HDGFL3: variants seen among roughly 807,000 people sequenced by gnomAD.
HDGFL3 encodes the protein hepatoma-derived growth factor-related protein 3.
A neutral mutation model predicts 27.6 loss-of-function variants in HDGFL3; 6 were observed. The ratio of observed to expected loss-of-function variants is 0.22; its 90% confidence interval spans 0.12 to 0.43. The LOEUF (loss-of-function observed/expected upper bound fraction) is 0.43. Among genes scored for constraint, HDGFL3 ranks in the 20% least tolerant of loss-of-function variants. The pLI, the probability that HDGFL3 is intolerant of heterozygous loss-of-function variation, is 1.00. For synonymous variants in HDGFL3, 88 were observed against 88.9 expected (o/e 0.99, Z 0.05); for missense variants, 207 against 250.1 (o/e 0.83, Z 1.16).
At chr15:83,187,394 A>G (rs189488081) in intron 1 of HDGFL3, among the ~76,000 whole-genome samples, 1,985 of 149,636 alleles carry the variant, frequency 0.013, 32 homozygotes, top group Middle Eastern at 0.041. Context: ...TCAAACACAC[A>G]CCACCACAAA....
At chr15:83,124,648 C>T (rs749696630), downstream of HDGFL3, 5 of 1,595,942 alleles carry the variant, frequency 3.1e-6, no homozygotes, top group Non-Finnish European at 4.3e-6. Flanking sequence ...TGGGCCTGCT[C>T]TTTAGGTACA....
At chr15:83,175,222 T>C (rs983113405) in intron 1 of HDGFL3, among the ~76,000 whole-genome samples, 2 of 152,216 alleles carry the variant, frequency 1.3e-5, no homozygotes, top group African/African-American at 4.8e-5. Context: ...TATTTGAGTT[T>C]GTACCCCCTG....
At position 83,136,587 on chromosome 15, in the gene HDGFL3, G is replaced by A. The variant is rs757268482; in HGVS notation, c.*2683C>T. 1.2e-6 allele frequency: 2 copies of A among 1,613,766 alleles called. No homozygotes were observed. The highest frequency in any genetic ancestry group is 1.7e-6 in the Non-Finnish European group (2 of 1,179,858). ...TTTTTAGCATTAAACATAGCATATG[G>A]AGTTCTTCCTCAGCTCTTGGCCTAT... On this transcript the variant is annotated 3_prime_UTR_variant, in exon 6 of 6. Transcript: ENST00000299633.
In HDGFL3 at chr15:83,138,723, C is replaced by T. The variant is rs910681310; in HGVS notation, c.*547G>A. 1 of 152,212 alleles carries T rather than the reference C, an allele frequency of 6.6e-6. No individual in the cohort carries two copies. The allele number at this position is 152,212 out of a possible 1,614,324, so 9.4% of individuals were successfully genotyped here. ...AGCTGTCAACTAGCTATTTCTAATACGGAATAGATATTTTACAATATGGTT... is the reference window on the plus strand; with the variant it reads ...AGCTGTCAACTAGCTATTTCTAATATGGAATAGATATTTTACAATATGGTT... On this transcript the variant is annotated 3_prime_UTR_variant, in exon 6 of 6. Coordinates refer to ENST00000299633, the MANE Select transcript of HDGFL3 (RefSeq NM_016073.4).
intron 5 of HDGFL3, among the ~76,000 whole-genome samples, chr15:83,147,381 G>A (rs2036911572): frequency 6.6e-6 from 1 of 151,892 alleles, no homozygotes; most frequent in South Asian, 2.1e-4. Context: ...CTTTCTAAAG[G>A]ACACTGCTTC....
At chr15:83,197,708 T>C (rs1011769238) in intron 1 of HDGFL3, among the ~76,000 whole-genome samples, 2 of 152,128 alleles carry the variant, frequency 1.3e-5, no homozygotes, top group Non-Finnish European at 2.9e-5. Context: ...CACGGAACAC[T>C]AGTTTGTCAA....
intron 1 of HDGFL3, among the ~76,000 whole-genome samples, chr15:83,206,059 C>G (rs1176916789): frequency 6.6e-6 from 1 of 152,188 alleles, no homozygotes; most frequent in East Asian, 1.9e-4. Context: ...ATAACAGAGC[C>G]TGAACCAGAC....
At chr15:83,119,935 G>T in intron 3 of HDGFL3, 2 of 392,990 alleles carry the variant, frequency 5.1e-6, no homozygotes, top group South Asian at 5.8e-5. Flanking sequence ...TGTCTTACAA[G>T]AATAATTTTT....
chr15:83,147,311 C>T (rs1290462138), intron 5 of HDGFL3, among the ~76,000 whole-genome samples: 3 of 152,106 alleles, frequency 2.0e-5, no homozygotes, highest in Non-Finnish European at 2.9e-5. Flanking sequence ...CCATCTGCCT[C>T]GGCCTCCCAA....
intron 1 of HDGFL3, among the ~76,000 whole-genome samples, chr15:83,197,284 A>G (rs145366909): frequency 5.3e-4 from 81 of 152,338 alleles, no homozygotes; most frequent in African/African-American, 1.9e-3. Context: ...ATTTCCATTT[A>G]TAATAGTATA....
chr15:83,202,910 G>A lies in HDGFL3; in HGVS notation c.84+4421C>T, dbSNP rs369973235. ...AAATTTGTTTACTCATTCTCCTGCT[G>A]ATGGACATTTGGGTTGTTTCCTGTT... On this transcript the variant is annotated intron_variant, in intron 1 of 5. Coordinates refer to ENST00000299633, the MANE Select transcript of HDGFL3 (RefSeq NM_016073.4). Among the ~76,000 whole-genome samples, 14 of 152,188 alleles carry A rather than the reference G, an allele frequency of 9.2e-5. No homozygotes were observed. The East Asian group carries it at 2.7e-3, about 29-fold the overall frequency.
intron 1 of HDGFL3, among the ~76,000 whole-genome samples, chr15:83,193,379 G>C (rs2037534828): frequency 6.6e-6 from 1 of 151,994 alleles, no homozygotes; most frequent in Non-Finnish European, 1.5e-5. Context: ...AAAACCATAA[G>C]ATACCACCTC....
intron 2 of HDGFL3, among the ~76,000 whole-genome samples, chr15:83,158,505 T>C (rs941193223): frequency 6.6e-6 from 1 of 152,208 alleles, no homozygotes; most frequent in Non-Finnish European, 1.5e-5. Flanking sequence ...TGGTTTTGCC[T>C]TCTGTGGTTT....
chr15:83,125,001 C>T (rs1567147789), downstream of HDGFL3, among the ~76,000 whole-genome samples: 1 of 152,176 alleles, frequency 6.6e-6, no homozygotes, highest in Non-Finnish European at 1.5e-5. Flanking sequence ...TACTCAGAAG[C>T]ATCTTCCTCC....
intron 5 of HDGFL3, among the ~76,000 whole-genome samples, chr15:83,143,866 GTCCC>G (rs1235080756): frequency 6.6e-6 from 1 of 152,072 alleles, no homozygotes; most frequent in Non-Finnish European, 1.5e-5. Context: ...TTTATCCTCT[GTCCC>G]TCCCTCCAGT....
intron 1 of HDGFL3, among the ~76,000 whole-genome samples, chr15:83,191,431 AG>A (rs1201715626): frequency 1.3e-5 from 2 of 152,226 alleles, no homozygotes; most frequent in African/African-American, 4.8e-5. Flanking sequence ...AATAAGCCAC[AG>A]TCATGGATTA....
intron 1 of HDGFL3, chr15:83,184,863 A>T (rs945836321): frequency 7.2e-5 from 11 of 152,238 alleles, no homozygotes; most frequent in Non-Finnish European, 1.6e-4. Context: ...GAGGTGGGTA[A>T]CCATTACCAG....
chr15:83,163,052 G>C (rs895755230), intron 2 of HDGFL3, among the ~76,000 whole-genome samples: 1 of 152,136 alleles, frequency 6.6e-6, no homozygotes, highest in Non-Finnish European at 1.5e-5. Flanking sequence ...CTTGTAGCTA[G>C]ATGTGGCCAC....
At chr15:83,146,327 T>C (rs1299283107) in intron 5 of HDGFL3, among the ~76,000 whole-genome samples, 2 of 152,190 alleles carry the variant, frequency 1.3e-5, no homozygotes, top group Non-Finnish European at 2.9e-5. Context: ...CACAGGGCCA[T>C]GGGTACTAAA....
Sources: gnomAD v4.1 joint callset for allele counts (sites outside exome capture counted in the v4.1 genomes callset) on GRCh38, gnomAD v4.1.1 for gene constraint, MANE v1.5 for transcripts, NCBI Gene and HGNC (gene_info 2026-07-23, HGNC 2026-07-21) for gene names.